The following KANK1 variants were observed in gnomAD, a reference collection of about 807,000 sequenced individuals.
KANK1 encodes KN motif and ankyrin repeat domains 1.
In KANK1, 109 loss-of-function variants were observed where a neutral mutation model predicts 106.2. The observed-to-expected ratio is 1.03, with a 90% confidence interval of 0.88 to 1.20. KANK1 has a LOEUF of 1.20. KANK1 is among the 50% of genes most tolerant of loss of function. The pLI, the probability that KANK1 is intolerant of heterozygous loss-of-function variation, is 0.00. For synonymous variants in KANK1, 873 were observed against 652.2 expected (o/e 1.34, Z -5.16); for missense variants, 2,399 against 1,710.7 (o/e 1.40, Z -7.10).
chr9:746,000 T>G lies in KANK1; in HGVS notation c.*765T>G, dbSNP rs1192508534. The G allele has an allele frequency of 1.3e-5, 2 of 152,680 alleles. No individual in the cohort carries two copies. Among genetic ancestry groups the G allele is most frequent in the African/African-American group, 4.8e-5 (2 of 41,466 alleles). 9.5% of individuals were successfully genotyped at this position (152,680 alleles called of 1,614,324 possible). A position where few individuals can be genotyped will look rare whatever the true frequency, so the allele number is the denominator to read the frequency against. The stretch of plus-strand genomic sequence containing the variant: ...ACAGTGTTCTCTTTGTATTTATGGA[T>G]TCCTTTTTACCGTGTCACATTTACT... On this transcript the variant is annotated 3_prime_UTR_variant, in exon 12 of 12. Transcript: ENST00000382297.
Position 707,402 on chromosome 9 carries a change from A to G in KANK1, c.38-3402A>G, listed in dbSNP as rs535589148. On this transcript the variant is annotated intron_variant, in intron 2 of 11. Coordinates refer to ENST00000382297, the MANE Select transcript of KANK1 (RefSeq NM_015158.5). ...AGCTTAGACCCGCCGGCTCCCACACACACATCCCGGGAGGCCCGGATCAGC... is the reference window on the plus strand; with the variant it reads ...AGCTTAGACCCGCCGGCTCCCACACGCACATCCCGGGAGGCCCGGATCAGC... Among the ~76,000 whole-genome samples, 119 of 152,350 alleles carry G rather than the reference A, an allele frequency of 7.8e-4. 2 individuals are homozygous for G. In the South Asian group the frequency reaches 0.023, roughly 29 times the overall value.
intron 2 of KANK1, among the ~76,000 whole-genome samples, chr9:471,746 T>C (rs2058025594): frequency 6.6e-6 from 1 of 152,114 alleles, no homozygotes; most frequent in South Asian, 2.1e-4. Context: ...TAAAAGAAAT[T>C]AGCCAGGCAT....
intron 3 of KANK1, among the ~76,000 whole-genome samples, chr9:487,262 C>T (rs2058309425): frequency 1.3e-5 from 2 of 152,232 alleles, no homozygotes; most frequent in Non-Finnish European, 2.9e-5. Flanking sequence ...AGAAACCACA[C>T]TGCAAGTACC....
chr9:740,649 T>A (rs566946517), intron 8 of KANK1, 143 bp from the exon 9 acceptor site: 1 of 896,362 alleles, frequency 1.1e-6, no homozygotes, highest in South Asian at 1.8e-5. Context: ...CTCTCACATT[T>A]CCTTCTAAGT....
chr9:718,533 CT>C, intron 3 of KANK1, among the ~76,000 whole-genome samples: 1 of 151,944 alleles, frequency 6.6e-6, no homozygotes, highest in Non-Finnish European at 1.5e-5. Context: ...TGGTCTTGAA[CT>C]TTTGGGCTCA....
At chr9:728,739 TG>T (rs1367906161) in intron 3 of KANK1, among the ~76,000 whole-genome samples, 6 of 152,194 alleles carry the variant, frequency 3.9e-5, no homozygotes. Flanking sequence ...ATAAGAACCT[TG>T]GTCTTCACAA....
chr9:588,626 C>G (rs1008674294), intron 1 of KANK1, among the ~76,000 whole-genome samples: 1 of 152,044 alleles, frequency 6.6e-6, no homozygotes, highest in South Asian at 2.1e-4. Flanking sequence ...CTAGGTATTC[C>G]TTTTTAAGTC....
chr9:687,482 TA>T (rs1406393352), intron 2 of KANK1, among the ~76,000 whole-genome samples: 3 of 152,194 alleles, frequency 2.0e-5, no homozygotes, highest in Non-Finnish European at 4.4e-5. Flanking sequence ...CTTGTGTCTG[TA>T]AAAATCACAG....
intron 1 of KANK1, among the ~76,000 whole-genome samples, chr9:659,234 T>G (rs1229128587): frequency 6.6e-6 from 1 of 152,218 alleles, no homozygotes; most frequent in Non-Finnish European, 1.5e-5. Context: ...TCTAAATCCC[T>G]AGGTATCATT....
chr9:719,070 C>T (rs1413032527), intron 3 of KANK1, among the ~76,000 whole-genome samples: 1 of 148,936 alleles, frequency 6.7e-6, no homozygotes. Context: ...AGTGATTGTC[C>T]TGCCTCAGCC....
chr9:540,478 A>G (rs1172271042), intron 1 of KANK1: 1 of 152,196 alleles, frequency 6.6e-6, no homozygotes, highest in Non-Finnish European at 1.5e-5. Context: ...GTCATCAAGG[A>G]CATTGACCCA....
In KANK1 at chr9:734,517, T is replaced by C; in HGVS notation, c.3246-231T>C. 2 of 381,058 alleles carry C rather than the reference T, an allele frequency of 5.2e-6. 1 individual carries two copies. Among genetic ancestry groups the C allele is most frequent in the South Asian group, 5.7e-5 (2 of 34,948 alleles). The allele number at this position is 381,058 out of a possible 1,614,324, so 23.6% of individuals were successfully genotyped here. A position where few individuals can be genotyped will look rare whatever the true frequency, so the allele number is the denominator to read the frequency against. On this transcript the variant is annotated intron_variant, in intron 6 of 11. Coordinates refer to ENST00000382297, the MANE Select transcript of KANK1 (RefSeq NM_015158.5). The stretch of plus-strand genomic sequence containing the variant: ...CCCGTCTCCACTAAAAATACAAAAA[T>C]TAGCTGGGCCTGGTGGTGCACACCT...
intron 3 of KANK1, among the ~76,000 whole-genome samples, chr9:714,921 T>G (rs1827277743): frequency 6.6e-6 from 1 of 152,160 alleles, no homozygotes; most frequent in Non-Finnish European, 1.5e-5. Context: ...CATGAATCAG[T>G]GTGACCTGGG....
intron 2 of KANK1, among the ~76,000 whole-genome samples, chr9:703,554 C>G (rs1823235829): frequency 6.6e-6 from 1 of 152,122 alleles, no homozygotes; most frequent in African/African-American, 2.4e-5. Flanking sequence ...GGACAGCCCT[C>G]CAATTCCAGA....
intron 3 of KANK1, among the ~76,000 whole-genome samples, chr9:729,149 C>T (rs190593751): frequency 7.2e-5 from 11 of 152,306 alleles, no homozygotes; most frequent in Non-Finnish European, 1.5e-4. Flanking sequence ...TTGCTTCGGT[C>T]AGTATACAGA....
intron 2 of KANK1, among the ~76,000 whole-genome samples, chr9:709,865 C>A (rs1353068157): frequency 1.3e-5 from 2 of 152,154 alleles, no homozygotes; most frequent in East Asian, 3.9e-4. Context: ...GATCCACCCG[C>A]CTTGGCCTCC....
At chr9:686,750 C>T (rs371135201) in intron 2 of KANK1, 1 of 985,250 alleles carries the variant, frequency 1.0e-6, no homozygotes, top group African/African-American at 1.7e-5. Context: ...ATGAGCCTAT[C>T]CGGTAAGGGA....
At chr9:558,865 T>A (rs932915474) in intron 1 of KANK1, 1 of 152,136 alleles carries the variant, frequency 6.6e-6, no homozygotes, top group African/African-American at 2.4e-5. Context: ...ATTGGAATGA[T>A]ACGGAGAAGA....
At position 720,345 on chromosome 9, in the gene KANK1, C is replaced by T. The variant is rs115064089; in HGVS notation, c.2698+6881C>T. 9.1e-3 allele frequency among the ~76,000 whole-genome samples: 1,384 copies of T among 152,240 alleles called. 21 individuals are homozygous for T. The highest frequency in any genetic ancestry group is 0.031 in the African/African-American group (1,291 of 41,532). ...TGTTTTGTAATTACTCCACATGTTG[C>T]TGTCGTTTTGTTTTGTTGAGACAAG... On this transcript the variant is annotated intron_variant, in intron 3 of 11. Coordinates refer to ENST00000382297, the MANE Select transcript of KANK1 (RefSeq NM_015158.5).
Sources: allele counts gnomAD v4.1 joint callset (sites outside exome capture counted in the v4.1 genomes callset), GRCh38; gene constraint gnomAD v4.1.1; transcripts MANE v1.5; gene names NCBI Gene and HGNC (gene_info 2026-07-23, HGNC 2026-07-21).